CEP120: variants seen among roughly 807,000 people sequenced by gnomAD.
The protein encoded by CEP120 is centrosomal protein of 120 kDa.
Under a neutral mutation model 126.5 loss-of-function variants are expected in CEP120, and 113 were observed. The ratio of observed to expected loss-of-function variants is 0.89; its 90% CI spans 0.77 to 1.04. CEP120 has a LOEUF of 1.04. CEP120 is among the 50% of genes least tolerant of loss of function. The probability of loss-of-function intolerance (pLI) is 0.00; values close to 1 mark genes in which losing one functional copy is unlikely to be tolerated. For missense variants in CEP120, 1,230 were observed against 1,155.7 expected, an observed-to-expected ratio of 1.06 and a Z score of -0.93; for synonymous variants, 400 against 394.3, an observed-to-expected ratio of 1.01 and a Z score of -0.17.
At chr5:123,367,971 C>T (rs1770583898) in intron 17 of CEP120, among the ~76,000 whole-genome samples, 1 of 151,780 alleles carries the variant, frequency 6.6e-6, no homozygotes, top group African/African-American at 2.4e-5. Context: ...AAAAGATTTA[C>T]AAAGAATTTT....
chr5:123,346,952 G>A (rs1768866079), intron 19 of CEP120, among the ~76,000 whole-genome samples, 199 bp from the exon 20 acceptor site: 1 of 152,082 alleles, frequency 6.6e-6, no homozygotes, highest in Non-Finnish European at 1.5e-5. Context: ...AACAATACTT[G>A]TTTTTCTAAT....
intron 4 of CEP120, among the ~76,000 whole-genome samples, chr5:123,409,340 C>T (rs1384325187): frequency 6.6e-6 from 1 of 152,074 alleles, no homozygotes; most frequent in African/African-American, 2.4e-5. Context: ...GGTGAAAAAC[C>T]TGAAGCATTC....
At chr5:123,396,703 C>T (rs1772813237) in intron 5 of CEP120, among the ~76,000 whole-genome samples, 1 of 152,130 alleles carries the variant, frequency 6.6e-6, no homozygotes, top group South Asian at 2.1e-4. Context: ...GTTGAAGGAG[C>T]TAGAAAACAG....
At chr5:123,414,312 A>G (rs1175544363) in intron 3 of CEP120, among the ~76,000 whole-genome samples, 1 of 152,210 alleles carries the variant, frequency 6.6e-6, no homozygotes, top group Non-Finnish European at 1.5e-5. Flanking sequence ...CCTTTTCAGA[A>G]TAAGATCTAG....
intron 14 of CEP120, among the ~76,000 whole-genome samples, chr5:123,380,869 T>A (rs1054713325): frequency 2.0e-5 from 3 of 152,108 alleles, no homozygotes; most frequent in Admixed American, 2.0e-4. Flanking sequence ...AATAACAGGA[T>A]AACTCGCATA....
intron 11 of CEP120, among the ~76,000 whole-genome samples, chr5:123,384,150 TATC>T (rs1771858272): frequency 6.6e-6 from 1 of 152,124 alleles, no homozygotes. Flanking sequence ...GTGATTTTAT[TATC>T]TTCTACTTAC....
intron 5 of CEP120, among the ~76,000 whole-genome samples, chr5:123,395,110 T>C (rs1251533977): frequency 6.6e-6 from 1 of 152,226 alleles, no homozygotes; most frequent in African/African-American, 2.4e-5. Flanking sequence ...CATACAGCAA[T>C]AAAAACATTA....
intron 15 of CEP120, 79 bp downstream of exon 15, chr5:123,378,257 T>G: frequency 3.8e-6 from 4 of 1,066,018 alleles, no homozygotes; most frequent in Non-Finnish European, 5.4e-6. Context: ...CTCTTTTGCA[T>G]CTAACTTTTA....
At chr5:123,390,489 T>A (rs1772321200) in intron 7 of CEP120, 3 of 327,380 alleles carry the variant, frequency 9.2e-6, no homozygotes, top group East Asian at 1.5e-4. Context: ...ACATGTCTAG[T>A]ATGACTTTCC....
At chr5:123,408,200 G>T (rs150888434) in intron 4 of CEP120, among the ~76,000 whole-genome samples, 1 of 152,188 alleles carries the variant, frequency 6.6e-6, no homozygotes, top group African/African-American at 2.4e-5. Context: ...AAACATCTAA[G>T]CTTCCACCTT....
intron 4 of CEP120, among the ~76,000 whole-genome samples, chr5:123,406,219 G>C (rs1159984956): frequency 6.7e-6 from 1 of 150,282 alleles, no homozygotes; most frequent in Admixed American, 6.6e-5. Context: ...TCTCAGAACT[G>C]TGAGATAACT....
chr5:123,402,047 G>A (rs899321278), intron 4 of CEP120: 42 of 1,597,760 alleles, frequency 2.6e-5, no homozygotes, highest in Non-Finnish European at 3.3e-5. Flanking sequence ...CAAACTTGTT[G>A]TTGAGGGTCT....
intron 18 of CEP120, among the ~76,000 whole-genome samples, chr5:123,355,959 G>T (rs1343549412): frequency 6.6e-6 from 1 of 151,630 alleles, no homozygotes; most frequent in East Asian, 1.9e-4. Flanking sequence ...TTTGTATAAG[G>T]TGTAAGGAAG....
intron 18 of CEP120, among the ~76,000 whole-genome samples, chr5:123,353,799 T>C (rs1769372900): frequency 6.6e-6 from 1 of 152,004 alleles, no homozygotes; most frequent in Non-Finnish European, 1.5e-5. Flanking sequence ...TATAGTCTTG[T>C]CTCTTTTTTC....
At chr5:123,406,814 A>T (rs1220308036) in intron 4 of CEP120, among the ~76,000 whole-genome samples, 4 of 152,072 alleles carry the variant, frequency 2.6e-5, no homozygotes, top group African/African-American at 9.6e-5. Flanking sequence ...TGAAAGTAAA[A>T]TAAAAACTTT....
Position 123,390,948 on chromosome 5 carries a change from AG to A in CEP120, c.1038+161del, listed in dbSNP as rs1270606057. 19 of 605,460 alleles carry A rather than the reference AG, an allele frequency of 3.1e-5. No individual in the cohort carries two copies. The African/African-American group carries it at 3.3e-4, about 11-fold the overall frequency. 37.5% of individuals were successfully genotyped at this position (605,460 alleles called of 1,614,324 possible). A position where few individuals can be genotyped will look rare whatever the true frequency, so the allele number is the denominator to read the frequency against. On this transcript the variant is annotated intron_variant, in intron 7 of 19. Coordinates refer to ENST00000306467, the MANE Select transcript of CEP120 (RefSeq NM_001375405.1). ...AGAATCACTTATAAACCATAACAGA[AG>A]TCACAGCACTTTTCAGAAAGGAGGT... is the stretch of plus-strand genomic sequence containing the variant.
intron 2 of CEP120, among the ~76,000 whole-genome samples, chr5:123,417,185 A>G (rs1302610962): frequency 1.3e-5 from 2 of 152,232 alleles, no homozygotes; most frequent in Non-Finnish European, 2.9e-5. Context: ...TCCATTATAG[A>G]CACCACTGAA....
intron 14 of CEP120, among the ~76,000 whole-genome samples, chr5:123,379,448 T>C (rs1285389976): frequency 6.6e-6 from 1 of 152,106 alleles, no homozygotes; most frequent in Non-Finnish European, 1.5e-5. Flanking sequence ...ATTTCTGATA[T>C]TTCTACCGTT....
rs756230385 is a variant in CEP120, at chr5:123,383,034, A to T, written c.1812T>A (p.Asp604Glu). 12 of 1,585,604 alleles carry T rather than the reference A, an allele frequency of 7.6e-6. No individual in the cohort carries two copies. The South Asian group carries it at 1.3e-4, about 18-fold the overall frequency. ...TCTCACGCATTTTTACTAGTCCATA[A>T]TCTTCTAGAGTCACTGTGTAAGAAA... ...ADLSYTVTLE[D>E]YGLVKMREIF... is the part of the protein sequence containing the mutation. Residue 604 changes from aspartate to glutamate, a missense_variant, in exon 12 of 20, where the codon GAT becomes GAA. Physicochemically the swap from Asp to Glu is conservative, Grantham distance 45. Coordinates refer to ENST00000306467, the MANE Select transcript of CEP120 (RefSeq NM_001375405.1).
Sources: gnomAD v4.1 joint callset for allele counts (sites outside exome capture counted in the v4.1 genomes callset) on GRCh38, gnomAD v4.1.1 for gene constraint, MANE v1.5 for transcripts, NCBI Gene and HGNC (gene_info 2026-07-23, HGNC 2026-07-21) for gene names.